The following NEBL variants were observed in gnomAD, a reference collection of about 807,000 sequenced individuals.
NEBL encodes nebulette.
Under a neutral mutation model 140.2 loss-of-function variants are expected in NEBL, and 122 were observed. The ratio of observed to expected loss-of-function variants is 0.87; its 90% CI spans 0.75 to 1.01. The LOEUF (loss-of-function observed/expected upper bound fraction) is 1.01, where lower values mean the gene tolerates loss of function less well. NEBL is among the 50% of genes least tolerant of loss of function. NEBL has a pLI of 0.00. For synonymous variants in NEBL, 436 were observed against 398.9 expected, an observed-to-expected ratio of 1.09 and a Z score of -1.11; for missense variants, 1,365 against 1,231.3, an observed-to-expected ratio of 1.11 and a Z score of -1.62.
intron 26 of NEBL, among the ~76,000 whole-genome samples, chr10:20,807,323 C>CA (rs779547736): frequency 1.3e-5 from 2 of 152,030 alleles, no homozygotes; most frequent in South Asian, 2.1e-4. Context: ...AAGACTCTAT[C>CA]AAAAAAGTAA....
chr10:21,260,598 T>C (rs12267804), intron 1 of NEBL, among the ~76,000 whole-genome samples: 3,633 of 152,288 alleles, frequency 0.024, 48 homozygotes, highest in Middle Eastern at 0.065. Flanking sequence ...TCTGAATCAC[T>C]ATGTTCCCCT....
chr10:20,907,703 C>T (rs1393237078), intron 4 of NEBL, among the ~76,000 whole-genome samples: 1 of 152,064 alleles, frequency 6.6e-6, no homozygotes, highest in African/African-American at 2.4e-5. Flanking sequence ...ACGAGATTTT[C>T]CTATTTTAAA....
At chr10:20,858,196 G>A (rs941114776) in intron 9 of NEBL, 44 bp downstream of exon 9, 2 of 1,469,784 alleles carry the variant, frequency 1.4e-6, no homozygotes. Context: ...TTGGCTTCTT[G>A]GAGCCACAAG....
intron 2 of NEBL, among the ~76,000 whole-genome samples, chr10:21,024,631 GAAA>G: frequency 1.3e-5 from 2 of 152,012 alleles, no homozygotes; most frequent in African/African-American, 4.8e-5. Flanking sequence ...GCCTTATACT[GAAA>G]ATGAAAATTA....
intron 3 of NEBL, among the ~76,000 whole-genome samples, chr10:20,994,873 G>A (rs1486840089): frequency 2.0e-5 from 3 of 150,816 alleles, no homozygotes; most frequent in Admixed American, 6.6e-5. Flanking sequence ...GGGCTGAGGA[G>A]GAGGAGGTAG....
At chr10:20,803,134 T>TA (rs1417177944) in intron 26 of NEBL, among the ~76,000 whole-genome samples, 1 of 152,174 alleles carries the variant, frequency 6.6e-6, no homozygotes. Flanking sequence ...TTCTGGGACA[T>TA]AATACATTTT....
chr10:21,129,372 G>T (rs1017323485), intron 2 of NEBL, among the ~76,000 whole-genome samples: 4 of 151,822 alleles, frequency 2.6e-5, no homozygotes, highest in African/African-American at 7.3e-5. Context: ...TTAGCCTTTT[G>T]AGTGGCTAGG....
intron 3 of NEBL, among the ~76,000 whole-genome samples, chr10:20,967,554 G>C (rs1836375342): frequency 6.6e-6 from 1 of 152,138 alleles, no homozygotes; most frequent in Non-Finnish European, 1.5e-5. Context: ...CTTGAACCTG[G>C]GAGGCGGAGG....
chr10:20,918,475 C>T (rs1833415678), intron 4 of NEBL, among the ~76,000 whole-genome samples: 1 of 152,190 alleles, frequency 6.6e-6, no homozygotes, highest in South Asian at 2.1e-4. Context: ...ATTGCATCTT[C>T]AGATGAGTTT....
intron 5 of NEBL, among the ~76,000 whole-genome samples, chr10:20,871,040 C>A (rs1238678140): frequency 2.0e-5 from 3 of 152,146 alleles, no homozygotes; most frequent in East Asian, 1.9e-4. Context: ...CCCCAGGGAC[C>A]AGCTGGCAAT....
intron 20 of NEBL, chr10:20,818,683 A>G: frequency 1.8e-6 from 1 of 554,118 alleles, no homozygotes; most frequent in Non-Finnish European, 2.3e-6. Context: ...GAGGTCCTTG[A>G]GGATAGAAAG....
chr10:20,915,794 T>C, intron 4 of NEBL, among the ~76,000 whole-genome samples: 1 of 152,178 alleles, frequency 6.6e-6, no homozygotes, highest in Non-Finnish European at 1.5e-5. Flanking sequence ...CTGGGTCAAA[T>C]GGTATTTCTA....
rs552699857 is a variant in NEBL, at chr10:21,134,163, T to A, written c.164+38220A>T. 9.2e-5 allele frequency among the ~76,000 whole-genome samples: 14 copies of A among 151,828 alleles called. 1 individual carries two copies. The South Asian group carries it at 1.9e-3, about 20-fold the overall frequency. On this transcript the variant is annotated intron_variant, in intron 2 of 6. Transcript: ENST00000417816. ...ATCACTTGAACCCAAGAGGCAGAGGTTGCAGTGAGCCAAGCTTGTGCCATT... is the reference window on the plus strand; with the variant it reads ...ATCACTTGAACCCAAGAGGCAGAGGATGCAGTGAGCCAAGCTTGTGCCATT...
intron 2 of NEBL, chr10:21,146,197 C>G: frequency 1.5e-6 from 1 of 649,148 alleles, no homozygotes; most frequent in South Asian, 2.3e-5. Flanking sequence ...TCAGTGATAA[C>G]TGCAAAGGAA....
intron 5 of NEBL, among the ~76,000 whole-genome samples, chr10:20,877,946 T>G (rs1479843944): frequency 6.6e-6 from 1 of 152,176 alleles, no homozygotes; most frequent in Non-Finnish European, 1.5e-5. Flanking sequence ...ACTCCTAAAT[T>G]CATTCCTTGT....
At chr10:21,268,412 G>C (rs1297946760) in intron 1 of NEBL, among the ~76,000 whole-genome samples, 1 of 152,196 alleles carries the variant, frequency 6.6e-6, no homozygotes, top group Middle Eastern at 3.2e-3. Flanking sequence ...GAGCCCAAGA[G>C]TTTGAGGCTG....
chr10:21,264,876 T>C (rs1842780628), intron 1 of NEBL, among the ~76,000 whole-genome samples: 1 of 151,952 alleles, frequency 6.6e-6, no homozygotes, highest in African/African-American at 2.4e-5. Context: ...GCCTTCTTGC[T>C]GCATCCTCAC....
At chr10:21,054,376 G>C (rs1165639265) in intron 2 of NEBL, among the ~76,000 whole-genome samples, 1 of 152,162 alleles carries the variant, frequency 6.6e-6, no homozygotes, top group Non-Finnish European at 1.5e-5. Context: ...GTTTATAGGT[G>C]ACTAGCTGGC....
At chr10:20,871,499 C>T (rs1326097194) in intron 5 of NEBL, among the ~76,000 whole-genome samples, 1 of 152,092 alleles carries the variant, frequency 6.6e-6, no homozygotes, top group African/African-American at 2.4e-5. Flanking sequence ...CATCAACAGG[C>T]TCCCTGTGCG....
Sources: allele counts gnomAD v4.1 joint callset (sites outside exome capture counted in the v4.1 genomes callset), GRCh38; gene constraint gnomAD v4.1.1; transcripts MANE v1.5; gene names NCBI Gene and HGNC (gene_info 2026-07-23, HGNC 2026-07-21).